FNDC3A: variants seen among roughly 807,000 people sequenced by gnomAD.
The protein encoded by FNDC3A is fibronectin type III domain containing 3A.
FNDC3A carries 32 observed loss-of-function variants against 148.9 expected under a neutral mutation model. The observed-to-expected ratio is 0.21, with a 90% CI of 0.16 to 0.29. FNDC3A has a LOEUF of 0.29. Ranked by LOEUF, FNDC3A falls within the 10% of genes least tolerant of loss-of-function variation. The pLI is 1.00. For missense variants in FNDC3A, 1,191 were observed against 1,452.8 expected (o/e 0.82, Z 2.93); for synonymous variants, 472 against 473.6 (o/e 1.00, Z 0.04).
chr13:49,182,970 C>CT (rs1020942256), intron 14 of FNDC3A, among the ~76,000 whole-genome samples: 1 of 152,056 alleles, frequency 6.6e-6, no homozygotes, highest in African/African-American at 2.4e-5. Context: ...CTTTTTTCAC[C>CT]TTCCAATCCA....
intron 2 of FNDC3A, among the ~76,000 whole-genome samples, chr13:49,072,771 A>T (rs1474762756): frequency 6.6e-6 from 1 of 152,146 alleles, no homozygotes; most frequent in Non-Finnish European, 1.5e-5. Flanking sequence ...GGCATGAGCC[A>T]CCATGCCCAG....
chr13:49,122,614 A>C (rs991842004), intron 4 of FNDC3A, among the ~76,000 whole-genome samples: 1 of 152,200 alleles, frequency 6.6e-6, no homozygotes, highest in African/African-American at 2.4e-5. Flanking sequence ...GTCTCAGCCC[A>C]AAATCTCCTT....
intron 2 of FNDC3A, among the ~76,000 whole-genome samples, chr13:49,064,431 G>C (rs1157951043): frequency 9.2e-6 from 1 of 109,278 alleles, no homozygotes; most frequent in Admixed American, 1.4e-4. Context: ...ACAACAAGGG[G>C]TTTGTTCACC....
intron 2 of FNDC3A, chr13:49,045,781 A>T: frequency 2.1e-6 from 1 of 482,606 alleles, no homozygotes; most frequent in Middle Eastern, 6.4e-4. Context: ...TCTGATTTTA[A>T]TGACAGTCCT....
chr13:48,980,691 G>A (rs1023077222), intron 1 of FNDC3A, among the ~76,000 whole-genome samples: 21 of 152,134 alleles, frequency 1.4e-4, no homozygotes, highest in African/African-American at 5.1e-4. Context: ...AGGCAGTTCT[G>A]TTTCCTTCAG....
chr13:49,065,451 A>G (rs1032540145), intron 2 of FNDC3A, among the ~76,000 whole-genome samples: 5 of 152,216 alleles, frequency 3.3e-5, no homozygotes, highest in African/African-American at 1.2e-4. Context: ...TTTATGTTAC[A>G]TACCTATTTA....
chr13:49,121,939 A>G (rs574331893), intron 4 of FNDC3A, among the ~76,000 whole-genome samples: 2 of 152,310 alleles, frequency 1.3e-5, no homozygotes, highest in South Asian at 2.1e-4. Flanking sequence ...AGCTGTTACT[A>G]TTCCTTCTGA....
Position 49,191,241 on chromosome 13 carries a change from T to C in FNDC3A, c.2083T>C (p.Ser695Pro). The change falls in exon 19 of 26, where the codon TCC (serine) becomes CCC (proline). Residue 695 changes from serine (S) to proline (P), a missense_variant. Physicochemically the swap from Ser to Pro is moderately conservative, Grantham distance 74 (BLOSUM62 -1). This residue lies in a region of FNDC3A where 751 missense variants were observed against 944.0 expected (regional missense o/e 0.80). Transcript: ENST00000492622. ...TCTGGTTGATGGTGGATCACCCATT[T>C]CCTGTTACAGTGTGGAAATGTCTCC... ...PPLVDGGSPI[S>P]CYSVEMSPIE... is the part of the protein sequence containing the mutation. 6.2e-7 allele frequency: 1 copy of C among 1,610,638 alleles called. No homozygotes were observed. Among genetic ancestry groups the C allele is most frequent in the Non-Finnish European group, 8.5e-7 (1 of 1,178,922 alleles).
At chr13:49,125,956 C>T (rs563526422) in intron 4 of FNDC3A, among the ~76,000 whole-genome samples, 7 of 152,002 alleles carry the variant, frequency 4.6e-5, no homozygotes, top group Non-Finnish European at 1.0e-4. Context: ...ATTTTATTGC[C>T]TTATCTGTAT....
chr13:49,044,616 G>A (rs901536161), intron 2 of FNDC3A: 3 of 193,842 alleles, frequency 1.5e-5, no homozygotes, highest in African/African-American at 4.8e-5. Flanking sequence ...GTTGCAGTAA[G>A]CTGAGATCGT....
chr13:48,988,889 G>A (rs1405837139), intron 1 of FNDC3A, among the ~76,000 whole-genome samples: 1 of 151,262 alleles, frequency 6.6e-6, no homozygotes, highest in Non-Finnish European at 1.5e-5. Flanking sequence ...TAATTTATAA[G>A]TTAAAGCTAT....
chr13:49,171,870 A>G (rs1233328913), intron 10 of FNDC3A, among the ~76,000 whole-genome samples, 173 bp from the exon 11 acceptor site: 1 of 152,168 alleles, frequency 6.6e-6, no homozygotes, highest in African/African-American at 2.4e-5. Context: ...CTTAAATTTG[A>G]AAGGATTATA....
chr13:49,191,266 C>G lies in FNDC3A; in HGVS notation c.2108C>G (p.Pro703Arg). 1 of 1,613,044 alleles carries G rather than the reference C, an allele frequency of 6.2e-7. No individual in the cohort carries two copies. Among genetic ancestry groups the G allele is most frequent in the South Asian group, 1.1e-5 (1 of 90,834 alleles). ...PISCYSVEMS[P>R]IEKDEPREVY... is the part of the protein sequence containing the mutation. Reference sequence around the variant, plus strand: ...TCCTGTTACAGTGTGGAAATGTCTCCTATAGAAAAAGATGAACCTAGAGAA... The same window carrying G: ...TCCTGTTACAGTGTGGAAATGTCTCGTATAGAAAAAGATGAACCTAGAGAA... Residue 703 changes from proline to arginine, a missense_variant, in exon 19 of 26, where the codon CCT becomes CGT. Transcript: ENST00000492622.
chr13:49,207,140 T>C lies in FNDC3A; in HGVS notation c.3342T>C (p.Tyr1114=). Residue 1114 remains tyrosine, a synonymous_variant, in exon 26 of 26, where the codon TAT becomes TAC. Coordinates refer to ENST00000492622, the MANE Select transcript of FNDC3A (RefSeq NM_001079673.2). The stretch of plus-strand genomic sequence containing the variant: ...CCAGCCTTCAGCTGAACTGTGAATA[T>C]CGCTTCCGTGTATGTGCCATTCGCC... ...RYSSLQLNCE[Y]RFRVCAIRQC... The C allele has an allele frequency of 6.2e-7, 1 of 1,614,200 alleles. No individual in the cohort carries two copies. The highest frequency in any genetic ancestry group is 2.2e-5 in the East Asian group (1 of 44,884).
intron 1 of FNDC3A, among the ~76,000 whole-genome samples, chr13:48,978,907 T>C (rs1317116088): frequency 6.6e-6 from 1 of 152,200 alleles, no homozygotes; most frequent in African/African-American, 2.4e-5. Context: ...ACATGTATTG[T>C]GAGCTTTTAT....
At chr13:49,060,315 T>C (rs1051264124) in intron 2 of FNDC3A, among the ~76,000 whole-genome samples, 4 of 152,208 alleles carry the variant, frequency 2.6e-5, no homozygotes, top group Non-Finnish European at 4.4e-5. Flanking sequence ...CAAATTGTGA[T>C]ATATTCATAC....
At chr13:49,154,842 C>T (rs1215694199) in intron 8 of FNDC3A, among the ~76,000 whole-genome samples, 2 of 35,510 alleles carry the variant, frequency 5.6e-5, no homozygotes, top group Middle Eastern at 5.2e-3. Flanking sequence ...GTATATTGAA[C>T]CAGCCTTGCA....
intron 4 of FNDC3A, among the ~76,000 whole-genome samples, chr13:49,119,044 C>G (rs1881157702): frequency 6.6e-6 from 1 of 152,210 alleles, no homozygotes; most frequent in African/African-American, 2.4e-5. Flanking sequence ...TCCCTAACCC[C>G]CGTGCCTCCT....
intron 4 of FNDC3A, among the ~76,000 whole-genome samples, chr13:49,117,425 T>A (rs1228038896): frequency 6.6e-6 from 1 of 152,220 alleles, no homozygotes; most frequent in Non-Finnish European, 1.5e-5. Flanking sequence ...GGAATGTTAT[T>A]CATTTCTCCA....
Sources: allele counts gnomAD v4.1 joint callset (sites outside exome capture counted in the v4.1 genomes callset), GRCh38; gene constraint gnomAD v4.1.1; regional missense constraint gnomAD v4.1.1; transcripts MANE v1.5; gene names NCBI Gene and HGNC (gene_info 2026-07-23, HGNC 2026-07-21).